Variants in CCDC85A observed in about 807,000 individuals in gnomAD.
CCDC85A encodes the protein coiled-coil domain containing 85A, also known as coiled-coil domain-containing protein 85A.
In CCDC85A, 38 loss-of-function variants were observed where a neutral mutation model predicts 50.2. The ratio of observed to expected loss-of-function variants is 0.76; its 90% confidence interval spans 0.58 to 0.99. CCDC85A has a LOEUF of 0.99. CCDC85A is among the 50% of genes least tolerant of loss of function. The pLI is 0.00. For missense variants in CCDC85A, 820 were observed against 742.0 expected (o/e 1.11, Z -1.22); for synonymous variants, 366 against 301.4 (o/e 1.21, Z -2.22).
intron 2 of CCDC85A, among the ~76,000 whole-genome samples, chr2:56,228,911 T>C (rs2103930450): frequency 6.6e-6 from 1 of 152,344 alleles, no homozygotes; most frequent in East Asian, 1.9e-4. Context: ...AACTACCTTC[T>C]AAACTTCCAT....
chr2:56,356,962 C>G (rs1675266601), intron 3 of CCDC85A, among the ~76,000 whole-genome samples: 1 of 151,514 alleles, frequency 6.6e-6, no homozygotes, highest in Non-Finnish European at 1.5e-5. Context: ...ACCTGTAGTC[C>G]CAGCTATTCG....
chr2:56,272,246 A>G (rs1670732407), intron 2 of CCDC85A, among the ~76,000 whole-genome samples: 1 of 152,130 alleles, frequency 6.6e-6, no homozygotes, highest in African/African-American at 2.4e-5. Flanking sequence ...AACAAGGTAA[A>G]AAGCAGAAAG....
At chr2:56,309,822 G>A (rs1672609785) in intron 2 of CCDC85A, among the ~76,000 whole-genome samples, 1 of 152,138 alleles carries the variant, frequency 6.6e-6, no homozygotes, top group African/African-American at 2.4e-5. Flanking sequence ...TGGCAGCGGG[G>A]TTTGAGGCTG....
chr2:56,367,287 G>A lies in CCDC85A; in HGVS notation c.1318-5057G>A, dbSNP rs550436889. Among the ~76,000 whole-genome samples, 5 of 152,190 alleles carry A rather than the reference G, an allele frequency of 3.3e-5. No individual in the cohort carries two copies. The South Asian group carries it at 1.0e-3, about 32-fold the overall frequency. On this transcript the variant is annotated intron_variant, in intron 3 of 5. Coordinates refer to ENST00000407595, the MANE Select transcript of CCDC85A (RefSeq NM_001080433.2). Reference sequence around the variant, plus strand: ...GGATGATATGGGTATTTTCAATTCTGTTTCTTTTATTGGAGTAATTTCTTA... The same window carrying A: ...GGATGATATGGGTATTTTCAATTCTATTTCTTTTATTGGAGTAATTTCTTA...
At chr2:56,337,792 CT>C (rs1291208367) in intron 2 of CCDC85A, among the ~76,000 whole-genome samples, 18 of 131,412 alleles carry the variant, frequency 1.4e-4, no homozygotes, top group South Asian at 4.7e-4. Flanking sequence ...TTTTTTTTTT[CT>C]TTTTTTTTTG....
In CCDC85A at chr2:56,193,237, G is replaced by A. The variant is rs1676383006; in HGVS notation, c.1037G>A (p.Gly346Glu). ...PEHLQKHALGGSLEHLPRARG... is the reference protein window; with the variant it reads ...PEHLQKHALGESLEHLPRARG... ...CATCTTCAGAAACACGCTCTTGGGG[G>A]GAGCCTAGAGCATCTCCCCAGAGCC... Residue 346 changes from glycine (G) to glutamate (E), a missense_variant, in exon 2 of 6, where the codon GGG becomes GAG. Transcript: ENST00000407595. 2 of 1,613,680 alleles carry A rather than the reference G, an allele frequency of 1.2e-6. No individual in the cohort carries two copies. Among genetic ancestry groups the A allele is most frequent in the African/African-American group, 1.3e-5 (1 of 74,836 alleles).
At chr2:56,379,907 A>T (rs55874014) in intron 5 of CCDC85A, 44 of 511,686 alleles carry the variant, frequency 8.6e-5, no homozygotes, top group African/African-American at 8.5e-4. Context: ...TAGCTTAGCT[A>T]TTGTTTTATG....
chr2:56,330,517 C>T (rs920820340), intron 2 of CCDC85A, among the ~76,000 whole-genome samples: 8 of 152,150 alleles, frequency 5.3e-5, no homozygotes, highest in African/African-American at 1.9e-4. Context: ...TCCCTCCCTC[C>T]CTCTTTCCTT....
chr2:56,334,324 G>A (rs773046316), intron 2 of CCDC85A, among the ~76,000 whole-genome samples: 1 of 152,184 alleles, frequency 6.6e-6, no homozygotes, highest in Non-Finnish European at 1.5e-5. Flanking sequence ...GGGTGAGGAA[G>A]TGTTGTAATA....
Position 56,184,899 on chromosome 2 carries a change from A to G in CCDC85A, c.275A>G (p.Lys92Arg). The change falls in exon 1 of 6, where the codon AAG (lysine) becomes AGG (arginine). Residue 92 changes from lysine (K) to arginine (R), a missense_variant and splice_region_variant. Coordinates refer to ENST00000407595, the MANE Select transcript of CCDC85A (RefSeq NM_001080433.2). ...QLHLGEIRGL[K>R]DINQKLQEDN... ...CACCTCGGCGAGATCCGCGGCCTCAAGGTGAGCGCGGGCCAGGTGGGGAGG... is the reference window on the plus strand; with the variant it reads ...CACCTCGGCGAGATCCGCGGCCTCAGGGTGAGCGCGGGCCAGGTGGGGAGG... 1 of 1,507,852 alleles carries G rather than the reference A, an allele frequency of 6.6e-7. No homozygotes were observed. Among genetic ancestry groups the G allele is most frequent in the Non-Finnish European group, 8.8e-7 (1 of 1,132,434 alleles). 93.4% of individuals were successfully genotyped at this position (1,507,852 alleles called of 1,614,324 possible). A position where few individuals can be genotyped will look rare whatever the true frequency, so the allele number is the denominator to read the frequency against.
intron 2 of CCDC85A, among the ~76,000 whole-genome samples, chr2:56,259,929 A>T (rs569912188): frequency 6.6e-6 from 1 of 152,036 alleles, no homozygotes; most frequent in South Asian, 2.1e-4. Context: ...TCTTCACCAA[A>T]CTCAAGTGGG....
intron 2 of CCDC85A, among the ~76,000 whole-genome samples, chr2:56,311,932 A>G (rs1672713539): frequency 6.6e-6 from 1 of 152,094 alleles, no homozygotes; most frequent in South Asian, 2.1e-4. Context: ...AACAAGATCC[A>G]CAGGTGATTT....
intron 2 of CCDC85A, among the ~76,000 whole-genome samples, chr2:56,310,962 A>G (rs779103784): frequency 3.9e-5 from 6 of 152,178 alleles, no homozygotes; most frequent in Non-Finnish European, 5.9e-5. Flanking sequence ...AGTCCTTGCA[A>G]TGCTGGTGAC....
In CCDC85A at chr2:56,189,297, G is replaced by GTT. The variant is rs70955011; in HGVS notation, c.277-3166_277-3165dup. Among the ~76,000 whole-genome samples, 5 of 121,946 alleles carry GTT rather than the reference G, an allele frequency of 4.1e-5. No homozygotes were observed. The East Asian group carries it at 6.9e-4, about 17-fold the overall frequency. The allele number at this position is 121,946 out of a possible 152,430, so 80.0% of individuals were successfully genotyped here. A position where few individuals can be genotyped will look rare whatever the true frequency, so the allele number is the denominator to read the frequency against. ...AAAACATGCACGGGGTATTTTTGGTGTTTTTTTTTTTTTTTGAGACAAGGT... is the reference window on the plus strand; with the variant it reads ...AAAACATGCACGGGGTATTTTTGGTGTTTTTTTTTTTTTTTTTGAGACAAGGT... On this transcript the variant is annotated intron_variant, in intron 1 of 5. Transcript: ENST00000407595.
chr2:56,263,126 G>C (rs1053950166), intron 2 of CCDC85A, among the ~76,000 whole-genome samples: 1 of 152,132 alleles, frequency 6.6e-6, no homozygotes, highest in Non-Finnish European at 1.5e-5. Context: ...ACCTTTCTTG[G>C]GCACTGTGAC....
intron 2 of CCDC85A, among the ~76,000 whole-genome samples, chr2:56,286,353 G>A (rs918046767): frequency 6.6e-5 from 10 of 152,096 alleles, no homozygotes; most frequent in African/African-American, 2.4e-4. Flanking sequence ...ACAATTGCAC[G>A]TTAGACCACT....
At chr2:56,304,802 A>T (rs1573216629) in intron 2 of CCDC85A, among the ~76,000 whole-genome samples, 1 of 152,198 alleles carries the variant, frequency 6.6e-6, no homozygotes, top group Non-Finnish European at 1.5e-5. Flanking sequence ...CAATCCCAGC[A>T]CTTTGGGGGG....
chr2:56,318,638 A>C (rs1365969212), intron 2 of CCDC85A, among the ~76,000 whole-genome samples: 1 of 152,060 alleles, frequency 6.6e-6, no homozygotes, highest in Non-Finnish European at 1.5e-5. Context: ...GCCCAATTTA[A>C]ATGTTTATTA....
chr2:56,278,120 A>G (rs1174540658), intron 2 of CCDC85A, among the ~76,000 whole-genome samples: 1 of 152,158 alleles, frequency 6.6e-6, no homozygotes, highest in African/African-American at 2.4e-5. Context: ...GGCTGTCGGT[A>G]TAGAAGTGTC....
Sources: gnomAD v4.1 joint callset for allele counts (sites outside exome capture counted in the v4.1 genomes callset) on GRCh38, gnomAD v4.1.1 for gene constraint, MANE v1.5 for transcripts, NCBI Gene and HGNC (gene_info 2026-07-23, HGNC 2026-07-21) for gene names.